Variants in ADGRD1 observed in about 807,000 individuals in gnomAD.
ADGRD1 encodes adhesion G protein-coupled receptor D1.
Under a neutral mutation model 113.4 loss-of-function variants are expected in ADGRD1, and 77 were observed. The ratio of observed to expected loss-of-function variants is 0.68; its 90% confidence interval spans 0.57 to 0.82. ADGRD1 has a LOEUF of 0.82. Among genes scored for constraint, ADGRD1 ranks in the 40% least tolerant of loss-of-function variants. The probability of loss-of-function intolerance (pLI) is 0.00; values close to 1 mark genes in which losing one functional copy is unlikely to be tolerated. For synonymous variants in ADGRD1, 474 were observed against 475.0 expected, an observed-to-expected ratio of 1.00 and a Z score of 0.03; for missense variants, 1,036 against 1,139.1, an observed-to-expected ratio of 0.91 and a Z score of 1.30.
chr12:131,107,580 C>T (rs1950263016), intron 17 of ADGRD1, among the ~76,000 whole-genome samples: 1 of 152,188 alleles, frequency 6.6e-6, no homozygotes. Context: ...TCCAGTTGGT[C>T]CTGTTTGAGT....
intron 23 of ADGRD1, chr12:131,137,876 C>T (rs1593282363): frequency 3.0e-6 from 1 of 334,090 alleles, no homozygotes; most frequent in South Asian, 2.9e-5. Flanking sequence ...TCACACTCAC[C>T]CCGGGACATT....
rs563541984 is a variant in ADGRD1, at chr12:130,965,390, T to TA, written c.104-1066dup. Among the ~76,000 whole-genome samples the TA allele has an allele frequency of 1.8e-4, 28 of 152,276 alleles. No homozygotes were observed. In the East Asian group the frequency reaches 2.5e-3, roughly 14 times the overall value. ...TCTCCTCTTTAAAAAGTATTTTTTT[T>TA]AAAAAAACAAGGACTAACATAGAGA... is the stretch of plus-strand genomic sequence containing the variant. On this transcript the variant is annotated intron_variant, in intron 2 of 24. Transcript: ENST00000261654. The surrounding 1 kb of genome is among the most constrained non-coding windows in gnomAD (Gnocchi z 4.8).
chr12:131,133,491 C>T (rs1950990701), intron 21 of ADGRD1, among the ~76,000 whole-genome samples: 1 of 152,218 alleles, frequency 6.6e-6, no homozygotes, highest in African/African-American at 2.4e-5. Context: ...AGGTAGCGTG[C>T]CCCGGGAGAG....
At chr12:131,090,101 G>A (rs899331222) in intron 15 of ADGRD1, among the ~76,000 whole-genome samples, 7 of 152,164 alleles carry the variant, frequency 4.6e-5, no homozygotes, top group African/African-American at 1.4e-4. Context: ...GTCTCGATCC[G>A]TCACCGTTCC....
At chr12:131,047,363 G>T (rs961637113) in intron 13 of ADGRD1, among the ~76,000 whole-genome samples, 10 of 152,200 alleles carry the variant, frequency 6.6e-5, no homozygotes, top group Non-Finnish European at 1.5e-4. Context: ...TCCGCACCTG[G>T]AGCCTGGACA....
intron 12 of ADGRD1, among the ~76,000 whole-genome samples, chr12:131,009,712 CATATGTGCAT>C (rs540141143): frequency 1.8e-3 from 280 of 152,138 alleles, no homozygotes; most frequent in African/African-American, 6.5e-3. Context: ...TATGTGTGCA[CATATGTGCAT>C]GTGTGTTTTG....
intron 13 of ADGRD1, among the ~76,000 whole-genome samples, chr12:131,045,509 C>CA (rs1882601757): frequency 6.6e-6 from 1 of 151,988 alleles, no homozygotes; most frequent in Non-Finnish European, 1.5e-5. Flanking sequence ...ACAGGGACCC[C>CA]CCCCCACCCC....
chr12:131,136,746 C>T (rs529429360), intron 22 of ADGRD1, among the ~76,000 whole-genome samples: 1 of 152,374 alleles, frequency 6.6e-6, no homozygotes, highest in East Asian at 1.9e-4. Flanking sequence ...GCACCTATGC[C>T]CACGCAGCAC....
chr12:131,055,658 T>G (rs1433780364), intron 13 of ADGRD1, among the ~76,000 whole-genome samples: 2 of 152,174 alleles, frequency 1.3e-5, no homozygotes, highest in East Asian at 1.9e-4. Context: ...AAAACCTGGT[T>G]TAAACTGTTT....
chr12:131,010,123 G>A (rs769418110), intron 12 of ADGRD1, among the ~76,000 whole-genome samples: 6 of 152,206 alleles, frequency 3.9e-5, no homozygotes, highest in African/African-American at 9.7e-5. Flanking sequence ...TGCTGTTTGC[G>A]TCAGTCAGGG....
At chr12:130,998,877 C>T (rs919256890) in intron 8 of ADGRD1, among the ~76,000 whole-genome samples, 2 of 152,188 alleles carry the variant, frequency 1.3e-5, no homozygotes, top group Non-Finnish European at 2.9e-5. Flanking sequence ...TGATTAGCTA[C>T]GTGTGGCTCG....
At chr12:131,051,223 T>C (rs914526327) in intron 13 of ADGRD1, among the ~76,000 whole-genome samples, 1 of 152,232 alleles carries the variant, frequency 6.6e-6, no homozygotes, top group African/African-American at 2.4e-5. Context: ...CTCGTGCTTG[T>C]GGGAAGTTCA....
At chr12:131,089,872 T>C (rs540384352) in intron 15 of ADGRD1, among the ~76,000 whole-genome samples, 2 of 152,392 alleles carry the variant, frequency 1.3e-5, no homozygotes, top group Admixed American at 1.3e-4. Context: ...GCCCATGCTC[T>C]GGAGCATCAG....
chr12:131,119,644 C>T lies in ADGRD1; in HGVS notation c.2108+1193C>T, dbSNP rs114631814. 3.8e-3 allele frequency among the ~76,000 whole-genome samples: 580 copies of T among 152,328 alleles called. 2 individuals carry two copies. Among genetic ancestry groups the T allele is most frequent in the African/African-American group, 0.012 (509 of 41,576 alleles). On this transcript the variant is annotated intron_variant, in intron 19 of 24. Coordinates refer to ENST00000261654, the MANE Select transcript of ADGRD1 (RefSeq NM_198827.5). ...AGAGTATCTACCAGAAGCCCCTCGT[C>T]GACTTAAAATTCTGCATGAAGTGCT...
intron 2 of ADGRD1, chr12:130,962,437 C>T (rs1299593008): frequency 6.6e-6 from 1 of 152,160 alleles, no homozygotes; most frequent in African/African-American, 2.4e-5. Context: ...GATGAGGATT[C>T]TGAAGACACA....
chr12:131,099,780 T>C (rs559083885), intron 15 of ADGRD1, among the ~76,000 whole-genome samples: 32 of 152,378 alleles, frequency 2.1e-4, no homozygotes, highest in African/African-American at 7.2e-4. Flanking sequence ...TCTGGCCTTA[T>C]GTTTCTTACA....
chr12:131,089,311 C>T lies in ADGRD1; in HGVS notation c.1671+4648C>T, dbSNP rs544901895. On this transcript the variant is annotated intron_variant, in intron 15 of 24. Coordinates refer to ENST00000261654, the MANE Select transcript of ADGRD1 (RefSeq NM_198827.5). ...GGAGCCCGAACCAAGGGCCAGTGGGCGGGGCTTCTGGACACAGGCATTGCC... is the reference window on the plus strand; with the variant it reads ...GGAGCCCGAACCAAGGGCCAGTGGGTGGGGCTTCTGGACACAGGCATTGCC... Among the ~76,000 whole-genome samples the T allele has an allele frequency of 7.2e-5, 11 of 152,266 alleles. No homozygotes were observed. In the East Asian group the frequency reaches 7.7e-4, roughly 11 times the overall value.
intron 18 of ADGRD1, among the ~76,000 whole-genome samples, chr12:131,110,068 T>C (rs1950317048): frequency 6.6e-6 from 1 of 152,254 alleles, no homozygotes; most frequent in African/African-American, 2.4e-5. Context: ...TCCATCCTTT[T>C]ACTTTCCACT....
intron 20 of ADGRD1, among the ~76,000 whole-genome samples, chr12:131,131,003 C>A (rs1950907803): frequency 6.6e-6 from 1 of 152,206 alleles, no homozygotes; most frequent in African/African-American, 2.4e-5. Context: ...ATTTTTCAGA[C>A]ACAAGGGAGA....
Sources: gnomAD v4.1 joint callset for allele counts (sites outside exome capture counted in the v4.1 genomes callset) on GRCh38, gnomAD v4.1.1 for gene constraint, Gnocchi (gnomAD v3.1) non-coding constraint, MANE v1.5 for transcripts, NCBI Gene and HGNC (gene_info 2026-07-23, HGNC 2026-07-21) for gene names.